Variants in KCNN2 observed in about 807,000 individuals in gnomAD.
KCNN2 encodes the protein small conductance calcium-activated potassium channel protein 2.
In KCNN2, 24 loss-of-function variants were observed where a neutral mutation model predicts 55.5. That is an observed-to-expected ratio of 0.43 (90% CI 0.31 to 0.61). KCNN2 has a LOEUF of 0.61. Among genes scored for constraint, KCNN2 ranks in the 20% least tolerant of loss-of-function variants. KCNN2 has a pLI of 0.08. For synonymous variants in KCNN2, 431 were observed against 336.1 expected (o/e 1.28, Z -3.09); for missense variants, 754 against 853.6 (o/e 0.88, Z 1.45).
At chr5:114,385,519 G>GCA (rs10548694) in intron 2 of KCNN2, among the ~76,000 whole-genome samples, 8,012 of 143,328 alleles carry the variant, frequency 0.056, 231 homozygotes, top group Non-Finnish European at 0.063. Flanking sequence ...ACACATGCGC[G>GCA]CACACACACA....
intron 1 of KCNN2, among the ~76,000 whole-genome samples, chr5:114,173,272 C>A (rs538235694): frequency 1.8e-4 from 28 of 151,894 alleles, no homozygotes; most frequent in Admixed American, 5.9e-4. Context: ...GTTCTCTATT[C>A]GGTTCCATTG....
rs182030450 is a variant in KCNN2 at position 114,165,825 on chromosome 5, C to A, written c.-270-55655C>A. Reference sequence around the variant, plus strand: ...GGTACGCCTTCTAGTCAACAGTAGGCGATTAGTAGTTAAGTTTTGGAGAAG... The same window carrying A: ...GGTACGCCTTCTAGTCAACAGTAGGAGATTAGTAGTTAAGTTTTGGAGAAG... On this transcript the variant is annotated intron_variant, in intron 1 of 10. Transcript: ENST00000512097. Among the ~76,000 whole-genome samples, 3 of 152,056 alleles carry A rather than the reference C, an allele frequency of 2.0e-5. No homozygotes were observed. In the East Asian group the frequency reaches 5.8e-4, roughly 29 times the overall value.
At chr5:114,241,319 A>T (rs946386669) in intron 2 of KCNN2, among the ~76,000 whole-genome samples, 1 of 151,968 alleles carries the variant, frequency 6.6e-6, no homozygotes, top group African/African-American at 2.4e-5. Context: ...TAACGAATAT[A>T]GTAGGATAAA....
intron 2 of KCNN2, among the ~76,000 whole-genome samples, chr5:114,293,564 G>C (rs868218563): frequency 2.5e-3 from 374 of 152,230 alleles, no homozygotes; most frequent in African/African-American, 8.5e-3. Flanking sequence ...GGTGGATAAG[G>C]TTTTTGATGT....
rs78781943 is a variant in KCNN2, at chr5:114,425,005, G to A, written c.1637+20149G>A. ...TGGGGGAAGAAGAAAGGACAAATAC[G>A]TCAAGGCTCAAGTCACAGAAAGGGA... is the stretch of plus-strand genomic sequence containing the variant. On this transcript the variant is annotated intron_variant, in intron 3 of 7. Coordinates refer to ENST00000673685, the MANE Select transcript of KCNN2 (RefSeq NM_021614.4). Among the ~76,000 whole-genome samples, 1,140 of 152,258 alleles carry A rather than the reference G, an allele frequency of 7.5e-3. 14 individuals carry two copies. Among genetic ancestry groups the A allele is most frequent in the African/African-American group, 0.026 (1,071 of 41,538 alleles).
At chr5:114,294,994 A>G (rs559063260) in intron 2 of KCNN2, among the ~76,000 whole-genome samples, 291 of 152,122 alleles carry the variant, frequency 1.9e-3, no homozygotes, top group African/African-American at 6.6e-3. Flanking sequence ...TAGGATTGCA[A>G]CCCCTGCCTT....
chr5:114,151,607 A>C (rs4314389), intron 1 of KCNN2, among the ~76,000 whole-genome samples: 122,926 of 152,002 alleles, frequency 0.81, 50,976 homozygotes, highest in East Asian at 0.94. Context: ...TGAGCATGTG[A>C]TGGTATGTGG....
chr5:114,488,161 G>C (rs992370374), intron 6 of KCNN2, among the ~76,000 whole-genome samples: 1 of 152,148 alleles, frequency 6.6e-6, no homozygotes, highest in African/African-American at 2.4e-5. Flanking sequence ...CCATTGAACT[G>C]CCCTGCTTAA....
At chr5:114,138,096 GACCA>G (rs2112500928) in intron 1 of KCNN2, among the ~76,000 whole-genome samples, 1 of 151,982 alleles carries the variant, frequency 6.6e-6, no homozygotes, top group South Asian at 2.1e-4. Context: ...GAAAATTTTA[GACCA>G]ACCATTGAAA....
At chr5:114,354,101 CTTA>C (rs1757257863) in intron 2 of KCNN2, among the ~76,000 whole-genome samples, 1 of 151,642 alleles carries the variant, frequency 6.6e-6, no homozygotes, top group African/African-American at 2.4e-5. Context: ...TGGGGGTTTT[CTTA>C]TTATTATGCT....
intron 1 of KCNN2, among the ~76,000 whole-genome samples, chr5:114,200,450 G>C (rs868610463): frequency 4.0e-5 from 6 of 150,292 alleles, no homozygotes; most frequent in African/African-American, 1.5e-4. Context: ...TCGTTTTTCT[G>C]ATTTCTCTTG....
rs146044553 is a variant in KCNN2 at position 114,319,988 on chromosome 5, A to T, written c.-184-40957A>T. Among the ~76,000 whole-genome samples the T allele has an allele frequency of 3.0e-3, 451 of 152,260 alleles. 3 individuals are homozygous for T. Among genetic ancestry groups the T allele is most frequent in the Admixed American group, 6.5e-3 (100 of 15,302 alleles). On this transcript the variant is annotated intron_variant, in intron 2 of 10. Transcript: ENST00000512097. ...ACTTCTATTTTCAGTTGTCTGTTTC[A>T]CTTCCTTGAAGCTCATGGGAATTGT...
Position 114,363,149 on chromosome 5 carries a change from G to A in KCNN2, c.1010G>A (p.Arg337His). The A allele has an allele frequency of 6.2e-7, 1 of 1,613,512 alleles. No homozygotes were observed. Among genetic ancestry groups the A allele is most frequent in the Non-Finnish European group, 8.5e-7 (1 of 1,180,000 alleles). The part of the protein sequence containing the change: ...QNIGYKLGHR[R>H]ALFEKRKRLS... ...ATCGGCTACAAGCTGGGCCACCGGC[G>A]CGCCCTGTTCGAAAAGCGCAAGCGG... The change falls in exon 1 of 8, where the codon CGC becomes CAC. Residue 337 changes from arginine (R) to histidine (H), a missense_variant. Arg to His is a conservative substitution (Grantham distance 29, BLOSUM62 0). Transcript: ENST00000673685.
intron 3 of KCNN2, among the ~76,000 whole-genome samples, chr5:114,408,724 A>G (rs1317584724): frequency 6.6e-6 from 1 of 152,222 alleles, no homozygotes; most frequent in Non-Finnish European, 1.5e-5. Flanking sequence ...ATCTGCTTCC[A>G]AAGGCCAATT....
rs540838360 is a variant in KCNN2 at position 114,064,584 on chromosome 5, A to G, written c.-271+8084A>G. Among the ~76,000 whole-genome samples, 4 of 152,300 alleles carry G rather than the reference A, an allele frequency of 2.6e-5. No individual in the cohort carries two copies. In the East Asian group the frequency reaches 7.7e-4, roughly 29 times the overall value. ...TCTAACCCGGCGAGTGACCCCAGCT[A>G]ATGCTACCAAGAGCAGAACTATGCA... On this transcript the variant is annotated intron_variant, in intron 1 of 10. Coordinates refer to the KCNN2 transcript ENST00000512097.
At chr5:114,293,982 A>G (rs1419606926) in intron 2 of KCNN2, among the ~76,000 whole-genome samples, 1 of 152,102 alleles carries the variant, frequency 6.6e-6, no homozygotes, top group African/African-American at 2.4e-5. Context: ...ATTTGCGTAG[A>G]GTTGTTTGTA....
intron 1 of KCNN2, among the ~76,000 whole-genome samples, chr5:114,120,736 A>C (rs1312165417): frequency 6.6e-6 from 1 of 152,150 alleles, no homozygotes; most frequent in Non-Finnish European, 1.5e-5. Context: ...ATCATCAATA[A>C]TAAAGTAAAT....
At chr5:114,278,179 G>A (rs977417205) in intron 2 of KCNN2, among the ~76,000 whole-genome samples, 21 of 152,304 alleles carry the variant, frequency 1.4e-4, no homozygotes, top group African/African-American at 5.1e-4. Flanking sequence ...AGTGGAGGCT[G>A]CAGAACAGCA....
At chr5:114,223,151 C>G (rs1260255098) in intron 2 of KCNN2, among the ~76,000 whole-genome samples, 1 of 152,154 alleles carries the variant, frequency 6.6e-6, no homozygotes, top group Non-Finnish European at 1.5e-5. Flanking sequence ...AAAGAAATAT[C>G]AATACCTGGG....
Sources: allele counts gnomAD v4.1 joint callset (sites outside exome capture counted in the v4.1 genomes callset), GRCh38; gene constraint gnomAD v4.1.1; transcripts MANE v1.5; gene names NCBI Gene and HGNC (gene_info 2026-07-23, HGNC 2026-07-21).